GLIS2: variants seen among roughly 807,000 people sequenced by gnomAD.
GLIS2 encodes GLIS family zinc finger 2.
A neutral mutation model predicts 35.6 loss-of-function variants in GLIS2; 14 were observed. The observed-to-expected ratio is 0.39, with a 90% CI of 0.26 to 0.61. The LOEUF (loss-of-function observed/expected upper bound fraction) is 0.61, where lower values mean the gene tolerates loss of function less well. GLIS2 is among the 20% of genes least tolerant of loss of function. GLIS2 has a pLI of 0.48. For synonymous variants in GLIS2, 368 were observed against 325.1 expected (o/e 1.13, Z -1.42); for missense variants, 675 against 713.4 (o/e 0.95, Z 0.61).
intron 1 of GLIS2, chr16:4,328,231 G>T (rs977177310): frequency 7.2e-5 from 11 of 152,310 alleles, no homozygotes; most frequent in Non-Finnish European, 1.5e-5. Context: ...GCTGGGGAGA[G>T]CCACGGCCAC....
intron 1 of GLIS2, among the ~76,000 whole-genome samples, chr16:4,325,698 CAGG>C (rs1393129539): frequency 1.3e-5 from 2 of 151,196 alleles, no homozygotes; most frequent in African/African-American, 4.9e-5. Flanking sequence ...GAGGCAGAGA[CAGG>C]AGGATGGCTT....
chr16:4,330,971 CTTTT>C (rs1468410907), intron 1 of GLIS2, among the ~76,000 whole-genome samples: 3 of 150,070 alleles, frequency 2.0e-5, no homozygotes, highest in African/African-American at 7.5e-5. Context: ...AAGCGTTTGG[CTTTT>C]TGTTTGTTTG....
intron 6 of GLIS2, chr16:4,336,469 G>C: frequency 1.6e-6 from 1 of 609,876 alleles, no homozygotes; most frequent in East Asian, 2.8e-5. Flanking sequence ...TTCTGCTGCT[G>C]AAAGGCACAT....
intron 1 of GLIS2, among the ~76,000 whole-genome samples, chr16:4,319,447 A>G (rs2053351482): frequency 6.6e-6 from 1 of 152,118 alleles, no homozygotes; most frequent in Admixed American, 6.5e-5. Flanking sequence ...GGGCTATGAA[A>G]GGGTCCACAG....
At position 4,338,163 on chromosome 16, in the gene GLIS2, T is replaced by C. The variant is rs568619667; in HGVS notation, c.*639T>C. ...GAGGCCCGCTCTGCAGCCGCCGTCC[T>C]CACCCCAGGCCAGGCCTGCAGTACC... On this transcript the variant is annotated 3_prime_UTR_variant, in exon 7 of 7. Transcript: ENST00000433375. 1.3e-5 allele frequency: 2 copies of C among 157,668 alleles called. No individual in the cohort carries two copies. Among genetic ancestry groups the C allele is most frequent in the South Asian group, 3.9e-4 (2 of 5,182 alleles). The allele number at this position is 157,668 out of a possible 1,614,324, so 9.8% of individuals were successfully genotyped here.
intron 1 of GLIS2, among the ~76,000 whole-genome samples, chr16:4,330,919 G>A (rs993993608): frequency 2.6e-5 from 4 of 152,242 alleles, no homozygotes; most frequent in African/African-American, 9.6e-5. Context: ...CAGAATGAGG[G>A]CAAGGAACAC....
At chr16:4,328,512 C>G (rs1331063101) in intron 1 of GLIS2, among the ~76,000 whole-genome samples, 1 of 152,222 alleles carries the variant, frequency 6.6e-6, no homozygotes, top group Non-Finnish European at 1.5e-5. Flanking sequence ...AGGAAAAACT[C>G]TGGGTGGGGA....
At chr16:4,326,991 C>T (rs2053438153) in intron 1 of GLIS2, among the ~76,000 whole-genome samples, 1 of 152,142 alleles carries the variant, frequency 6.6e-6, no homozygotes, top group African/African-American at 2.4e-5. Flanking sequence ...GAACTCCTGA[C>T]CTCAGGTGGT....
rs1413089172 is a variant in GLIS2, at chr16:4,320,752, G to A, written c.-67+4498G>A. ...CCCCACCCCAACTTCCAGGCAGACC[G>A]ACTCTGAGCTGGGATGTCCCCTCCC... On this transcript the variant is annotated intron_variant, in intron 1 of 6. Transcript: ENST00000433375. This position sits in a 1 kb window ranked among gnomAD's most constrained non-coding sequence, Gnocchi z 5.6. Among the ~76,000 whole-genome samples, 5 of 152,064 alleles carry A rather than the reference G, an allele frequency of 3.3e-5. No individual in the cohort carries two copies. The highest frequency in any genetic ancestry group is 1.9e-4 in the East Asian group (1 of 5,162).
chr16:4,337,233 G>A lies in GLIS2; in HGVS notation c.1284G>A (p.Leu428=), dbSNP rs202243000. The part of the protein sequence containing the change: ...PSPFGAGGLG[L]PVVSLLAGAA... The stretch of plus-strand genomic sequence containing the variant: ...CCTTTGGGGCTGGCGGACTGGGCTT[G>A]CCTGTGGTCTCCCTCCTTGCTGGCG... Residue 428 remains leucine, a synonymous_variant, in exon 7 of 7, where the codon TTG becomes TTA. Coordinates refer to ENST00000433375, the MANE Select transcript of GLIS2 (RefSeq NM_032575.3). The A allele has an allele frequency of 7.4e-5, 115 of 1,547,760 alleles. No individual in the cohort carries two copies. In the African/African-American group the frequency reaches 1.5e-3, roughly 21 times the overall value.
At chr16:4,333,559 G>A in intron 3 of GLIS2, 40 bp downstream of exon 3, 1 of 1,572,256 alleles carries the variant, frequency 6.4e-7, no homozygotes, top group Non-Finnish European at 8.6e-7. Flanking sequence ...GGGTGGACTG[G>A]TTTCCTGGGG....
chr16:4,334,924 T>A lies in GLIS2; in HGVS notation c.469T>A (p.Cys157Ser). The A allele has an allele frequency of 3.1e-6, 5 of 1,613,090 alleles. No homozygotes were observed. Among genetic ancestry groups the A allele is most frequent in the Non-Finnish European group, 4.2e-6 (5 of 1,180,002 alleles). Residue 157 changes from cysteine to serine, a missense_variant, in exon 4 of 7, where the codon TGC (cysteine) becomes AGC (serine). Coordinates refer to ENST00000433375, the MANE Select transcript of GLIS2 (RefSeq NM_032575.3). ...SSFLTPPKDK[C>S]LSPDLPLPKQ... ...CTTCCTTACCCCTCCCAAGGACAAG[T>A]GCCTCTCGCCAGACCTGCCCCTGCC...
In GLIS2 at chr16:4,337,578, C is replaced by T. The variant is rs368483996; in HGVS notation, c.*54C>T. 447 of 1,535,532 alleles carry T rather than the reference C, an allele frequency of 2.9e-4. 3 individuals carry two copies. In the East Asian group the frequency reaches 5.1e-3, roughly 17 times the overall value. On this transcript the variant is annotated 3_prime_UTR_variant, in exon 7 of 7. Transcript: ENST00000433375. ...CCCCGGCAGCTCCCGGCACTGCCCC[C>T]GACGAACGGAAACTCTTCTGTGAAA... is the stretch of plus-strand genomic sequence containing the variant.
intron 1 of GLIS2, among the ~76,000 whole-genome samples, chr16:4,323,738 G>C (rs2053401917): frequency 1.3e-5 from 2 of 152,326 alleles, no homozygotes; most frequent in South Asian, 4.1e-4. Flanking sequence ...GGGTGACCTT[G>C]GCAGGCCCAA....
rs757481865 is a variant in GLIS2 at position 4,337,062 on chromosome 16, C to A, written c.1113C>A (p.Pro371=). The A allele has an allele frequency of 2.6e-6, 4 of 1,555,342 alleles. No individual in the cohort carries two copies. In the African/African-American group the frequency reaches 4.1e-5, roughly 16 times the overall value. The stretch of plus-strand genomic sequence containing the variant: ...GAGGCCCTGGCCTGCCCGGCTTACC[C>A]CTACCCCTGGCCCCCGGCCCCCTTG... ...LFGGPGLPGL[P]LPLAPGPLDL... is the part of the protein sequence containing the mutation. The change falls in exon 7 of 7, where the codon CCC becomes CCA. Residue 371 remains proline, a synonymous_variant. Coordinates refer to ENST00000433375, the MANE Select transcript of GLIS2 (RefSeq NM_032575.3).
Position 4,320,457 on chromosome 16 carries a change from C to T in GLIS2, c.-67+4203C>T, listed in dbSNP as rs2053366354. ...GCTCTGAGACATTTGAGGGTTTGGCCCGAGGTCACTCCCAATCGGGGAAGA... is the reference window on the plus strand; with the variant it reads ...GCTCTGAGACATTTGAGGGTTTGGCTCGAGGTCACTCCCAATCGGGGAAGA... On this transcript the variant is annotated intron_variant, in intron 1 of 6. Coordinates refer to ENST00000433375, the MANE Select transcript of GLIS2 (RefSeq NM_032575.3). The surrounding 1 kb of genome is among the most constrained non-coding windows in gnomAD (Gnocchi z 5.6). Among the ~76,000 whole-genome samples, 1 of 152,134 alleles carries T rather than the reference C, an allele frequency of 6.6e-6. No individual in the cohort carries two copies. Among genetic ancestry groups the T allele is most frequent in the African/African-American group, 2.4e-5 (1 of 41,440 alleles).
At chr16:4,325,316 GA>G (rs1443979241) in intron 1 of GLIS2, 2 of 152,314 alleles carry the variant, frequency 1.3e-5, no homozygotes, top group Non-Finnish European at 2.9e-5. Context: ...TGGGACCTTG[GA>G]TGGGTCACTT....
Position 4,324,108 on chromosome 16 carries a change from G to A in GLIS2, c.-67+7854G>A, listed in dbSNP as rs147323901. On this transcript the variant is annotated intron_variant, in intron 1 of 6. Transcript: ENST00000433375. ...AGGTCAGCCCTGGCTGGGTCACCTC[G>A]GACCCCTTGTGTTCCCACCCCGGGA... Among the ~76,000 whole-genome samples, 623 of 152,288 alleles carry A rather than the reference G, an allele frequency of 4.1e-3. 6 individuals carry two copies. The highest frequency in any genetic ancestry group is 0.014 in the African/African-American group (591 of 41,568).
In GLIS2 at chr16:4,335,678, C is replaced by T. The variant is rs1023964987; in HGVS notation, c.775+285C>T. On this transcript the variant is annotated intron_variant, in intron 6 of 6. Coordinates refer to ENST00000433375, the MANE Select transcript of GLIS2 (RefSeq NM_032575.3). This position sits in a 1 kb window ranked among gnomAD's most constrained non-coding sequence, Gnocchi z 4.6. The stretch of plus-strand genomic sequence containing the variant: ...ACCTCTGTGATCGCAGAGGCCAGGT[C>T]GGCTTCACTCCTCACTACAGCCCAG... Among the ~76,000 whole-genome samples the T allele has an allele frequency of 3.3e-5, 5 of 152,206 alleles. No homozygotes were observed. Among genetic ancestry groups the T allele is most frequent in the Non-Finnish European group, 5.9e-5 (4 of 68,028 alleles).
Sources: allele counts gnomAD v4.1 joint callset (sites outside exome capture counted in the v4.1 genomes callset), GRCh38; gene constraint gnomAD v4.1.1; non-coding constraint Gnocchi (gnomAD v3.1); transcripts MANE v1.5; gene names NCBI Gene and HGNC (gene_info 2026-07-23, HGNC 2026-07-21).